ATP2B2: variants seen among roughly 807,000 people sequenced by gnomAD.
The protein encoded by ATP2B2 is ATPase plasma membrane Ca2+ transporting 2.
In ATP2B2, 15 loss-of-function variants were observed where a neutral mutation model predicts 120.0. The observed-to-expected ratio is 0.12, with a 90% confidence interval of 0.08 to 0.19. The LOEUF (loss-of-function observed/expected upper bound fraction) is 0.19. Among genes scored for constraint, ATP2B2 ranks in the 10% least tolerant of loss-of-function variants. The pLI, the probability that ATP2B2 is intolerant of heterozygous loss-of-function variation, is 1.00. For synonymous variants in ATP2B2, 694 were observed against 700.3 expected (o/e 0.99, Z 0.14); for missense variants, 1,045 against 1,719.8 (o/e 0.61, Z 6.94).
chr3:10,423,695 C>A (rs900485440), intron 2 of ATP2B2, among the ~76,000 whole-genome samples: 5 of 152,194 alleles, frequency 3.3e-5, no homozygotes, highest in African/African-American at 1.2e-4. Flanking sequence ...GGTGGGGACG[C>A]TTTGCAGAGC....
At chr3:10,518,044 G>A (rs1350706329) in intron 3 of ATP2B2, among the ~76,000 whole-genome samples, 2 of 151,816 alleles carry the variant, frequency 1.3e-5, no homozygotes, top group African/African-American at 2.4e-5. Context: ...GGTAGGGTGG[G>A]GTTGGGGTGG....
intron 1 of ATP2B2, among the ~76,000 whole-genome samples, chr3:10,499,184 A>G (rs1457693585): frequency 6.6e-6 from 1 of 152,216 alleles, no homozygotes; most frequent in Non-Finnish European, 1.5e-5. Flanking sequence ...CTTCCTTTGC[A>G]TTACTTCACC....
intron 2 of ATP2B2, among the ~76,000 whole-genome samples, chr3:10,424,371 A>C (rs1575185775): frequency 6.6e-6 from 1 of 152,218 alleles, no homozygotes; most frequent in Non-Finnish European, 1.5e-5. Flanking sequence ...CACTGAAATC[A>C]AAGCTGACAA....
intron 2 of ATP2B2, among the ~76,000 whole-genome samples, chr3:10,549,199 C>T (rs1207331386): frequency 2.6e-5 from 4 of 152,188 alleles, no homozygotes; most frequent in African/African-American, 9.7e-5. Flanking sequence ...GCTTCCTCCC[C>T]TGAGTTCTAG....
chr3:10,568,437 G>A (rs1466967956), intron 2 of ATP2B2, among the ~76,000 whole-genome samples: 1 of 152,154 alleles, frequency 6.6e-6, no homozygotes, highest in Non-Finnish European at 1.5e-5. Context: ...GATGTTCAGA[G>A]AAAGAAAAAT....
chr3:10,516,993 A>G (rs1046648965), intron 3 of ATP2B2, among the ~76,000 whole-genome samples: 3 of 151,484 alleles, frequency 2.0e-5, no homozygotes, highest in Admixed American at 1.3e-4. Context: ...TGTTTCTTAA[A>G]AAAAGCCACA....
rs1296640458 is a variant in ATP2B2, at chr3:10,342,716, C to A, written c.2917+36G>T. On this transcript the variant is annotated intron_variant, in intron 19 of 22. Coordinates refer to ENST00000360273, the MANE Select transcript of ATP2B2 (RefSeq NM_001001331.4). This position sits in a 1 kb window ranked among gnomAD's most constrained non-coding sequence, Gnocchi z 4.4. ...ATGGTGCACCCAGAAGGTGATGACC[C>A]CGCCTGGGAGAGGCGTGGGTGGGCG... 6.2e-7 allele frequency: 1 copy of A among 1,610,192 alleles called. No homozygotes were observed. Among genetic ancestry groups the A allele is most frequent in the Non-Finnish European group, 8.5e-7 (1 of 1,176,966 alleles).
intron 2 of ATP2B2, among the ~76,000 whole-genome samples, chr3:10,597,271 GCACACACACAGGTA>G (rs548244157): frequency 0.047 from 5,423 of 116,570 alleles, 343 homozygotes; most frequent in African/African-American, 0.16. Context: ...ACAGGCACAG[GCACACACACAGGTA>G]CACACACACA....
chr3:10,501,732 G>C (rs1021767978), intron 1 of ATP2B2, among the ~76,000 whole-genome samples: 6 of 152,140 alleles, frequency 3.9e-5, no homozygotes, highest in Non-Finnish European at 8.8e-5. Context: ...ATGAGTTTCA[G>C]TCTCATTCAG....
At chr3:10,479,898 C>T (rs773953612) in intron 1 of ATP2B2, among the ~76,000 whole-genome samples, 1 of 152,096 alleles carries the variant, frequency 6.6e-6, no homozygotes, top group Non-Finnish European at 1.5e-5. Context: ...TGAGACCAGC[C>T]TGGGCAACAT....
At chr3:10,453,229 T>C (rs986019947) in intron 1 of ATP2B2, among the ~76,000 whole-genome samples, 4 of 152,372 alleles carry the variant, frequency 2.6e-5, no homozygotes, top group African/African-American at 9.6e-5. Flanking sequence ...GATTTCATTA[T>C]CTTACAAAAA....
chr3:10,594,730 AT>A (rs1402359645), intron 2 of ATP2B2, among the ~76,000 whole-genome samples: 1 of 151,658 alleles, frequency 6.6e-6, no homozygotes, highest in African/African-American at 2.4e-5. Context: ...AATAATAATA[AT>A]AATAATAATA....
At chr3:10,589,464 C>T (rs2068591470) in intron 2 of ATP2B2, among the ~76,000 whole-genome samples, 1 of 152,196 alleles carries the variant, frequency 6.6e-6, no homozygotes, top group African/African-American at 2.4e-5. Context: ...AGAGATGAGC[C>T]TGTTGCCAAA....
chr3:10,429,632 C>T (rs1336344409), intron 2 of ATP2B2, among the ~76,000 whole-genome samples: 1 of 152,144 alleles, frequency 6.6e-6, no homozygotes, highest in Non-Finnish European at 1.5e-5. Flanking sequence ...CCCTGAGACA[C>T]AACAATACTG....
chr3:10,449,018 T>C (rs2063935859), intron 2 of ATP2B2, among the ~76,000 whole-genome samples: 1 of 152,222 alleles, frequency 6.6e-6, no homozygotes, highest in East Asian at 1.9e-4. Context: ...CCTCAGAAAC[T>C]AGTGCCTCCC....
intron 1 of ATP2B2, among the ~76,000 whole-genome samples, chr3:10,636,430 G>A (rs1473270897): frequency 2.0e-5 from 3 of 152,160 alleles, no homozygotes; most frequent in Non-Finnish European, 4.4e-5. Flanking sequence ...GGATGTCTAA[G>A]ACCCCAGGGA....
intron 5 of ATP2B2, among the ~76,000 whole-genome samples, chr3:10,392,272 A>G (rs2061878040): frequency 6.6e-6 from 1 of 152,142 alleles, no homozygotes; most frequent in Non-Finnish European, 1.5e-5. Flanking sequence ...AATTGGGAAT[A>G]CCAATGTCCC....
intron 2 of ATP2B2, among the ~76,000 whole-genome samples, chr3:10,599,692 C>A (rs1309669566): frequency 6.6e-6 from 1 of 151,558 alleles, no homozygotes; most frequent in African/African-American, 2.4e-5. Context: ...TTTGCCCCCA[C>A]GTATTACCTA....
At chr3:10,478,904 T>C (rs921819804) in intron 1 of ATP2B2, among the ~76,000 whole-genome samples, 2 of 152,170 alleles carry the variant, frequency 1.3e-5, no homozygotes, top group African/African-American at 4.8e-5. Flanking sequence ...TTCTCCATGC[T>C]ATTCTCATGA....
Sources: gnomAD v4.1 joint callset for allele counts (sites outside exome capture counted in the v4.1 genomes callset) on GRCh38, gnomAD v4.1.1 for gene constraint, Gnocchi (gnomAD v3.1) non-coding constraint, MANE v1.5 for transcripts, NCBI Gene and HGNC (gene_info 2026-07-23, HGNC 2026-07-21) for gene names.